SGCZ: variants seen among roughly 807,000 people sequenced by gnomAD.
The protein encoded by SGCZ is sarcoglycan zeta.
A neutral mutation model predicts 41.3 loss-of-function variants in SGCZ; 40 were observed. That is an observed-to-expected ratio of 0.97 (90% CI 0.75 to 1.26). The LOEUF is 1.26. Ranked by LOEUF, SGCZ falls within the 50% of genes most tolerant of loss-of-function variation. The pLI is 0.00. For synonymous variants in SGCZ, 206 were observed against 137.5 expected, an observed-to-expected ratio of 1.50 and a Z score of -3.49; for missense variants, 552 against 369.8, an observed-to-expected ratio of 1.49 and a Z score of -4.04.
At chr8:14,310,557 A>G (rs1454853494) in intron 3 of SGCZ, among the ~76,000 whole-genome samples, 5 of 152,104 alleles carry the variant, frequency 3.3e-5, no homozygotes, top group Non-Finnish European at 7.4e-5. Context: ...CACAATGTGC[A>G]GGTTAGCACC....
chr8:14,810,628 A>G (rs1424931528), intron 1 of SGCZ, among the ~76,000 whole-genome samples: 1 of 152,038 alleles, frequency 6.6e-6, no homozygotes, highest in African/African-American at 2.4e-5. Context: ...AGTTCATTGG[A>G]TATTGCACTG....
chr8:15,190,575 A>G (rs558425), intron 1 of SGCZ, among the ~76,000 whole-genome samples: 21,190 of 152,102 alleles, frequency 0.14, 1,625 homozygotes, highest in African/African-American at 0.19. Context: ...GAGTTCTTTC[A>G]GCACGAAAGA....
chr8:14,732,041 C>G (rs2254300), intron 1 of SGCZ, among the ~76,000 whole-genome samples: 2 of 152,024 alleles, frequency 1.3e-5, no homozygotes, highest in African/African-American at 2.4e-5. Flanking sequence ...GATTCAAGTA[C>G]AACTTGTTGA....
intron 1 of SGCZ, among the ~76,000 whole-genome samples, chr8:14,560,791 A>G (rs527613233): frequency 4.9e-4 from 74 of 152,266 alleles, no homozygotes; most frequent in African/African-American, 1.8e-3. Flanking sequence ...TTTGGTAACT[A>G]TATCAAATGC....
At chr8:14,934,923 T>C (rs1800036278) in intron 1 of SGCZ, among the ~76,000 whole-genome samples, 1 of 148,716 alleles carries the variant, frequency 6.7e-6, no homozygotes, top group South Asian at 2.1e-4. Context: ...CTCCCAGTAC[T>C]GAAAAAAAAA....
intron 3 of SGCZ, among the ~76,000 whole-genome samples, chr8:14,271,811 TG>T (rs1217550928): frequency 2.0e-5 from 3 of 152,190 alleles, no homozygotes; most frequent in Non-Finnish European, 4.4e-5. Context: ...ATTTTTGCTT[TG>T]TAGAAACAAC....
At chr8:14,761,132 C>A (rs1026203612) in intron 1 of SGCZ, among the ~76,000 whole-genome samples, 1 of 152,156 alleles carries the variant, frequency 6.6e-6, no homozygotes, top group Non-Finnish European at 1.5e-5. Context: ...GATAATTATT[C>A]TGTCACAGTG....
At chr8:15,222,576 G>A (rs1365902061) in intron 1 of SGCZ, among the ~76,000 whole-genome samples, 2 of 152,096 alleles carry the variant, frequency 1.3e-5, no homozygotes, top group Admixed American at 1.3e-4. Context: ...AGAATTAGAA[G>A]GAATTTTTCA....
intron 3 of SGCZ, among the ~76,000 whole-genome samples, chr8:14,314,834 T>G (rs1213261056): frequency 1.3e-5 from 2 of 152,156 alleles, no homozygotes; most frequent in African/African-American, 4.8e-5. Flanking sequence ...TGCAAATGAA[T>G]GCTACCGTTT....
At chr8:14,494,804 A>G (rs1801944070) in intron 2 of SGCZ, among the ~76,000 whole-genome samples, 1 of 152,184 alleles carries the variant, frequency 6.6e-6, no homozygotes, top group Middle Eastern at 3.2e-3. Flanking sequence ...TTTTTGCAGT[A>G]GCCTGCAGTG....
intron 1 of SGCZ, among the ~76,000 whole-genome samples, chr8:15,152,334 G>C (rs1000863070): frequency 6.6e-6 from 1 of 152,236 alleles, no homozygotes; most frequent in African/African-American, 2.4e-5. Flanking sequence ...GTTTCAAGCT[G>C]AGAAGAATCT....
At chr8:15,209,770 AATT>A (rs1395118954) in intron 1 of SGCZ, among the ~76,000 whole-genome samples, 54 of 56,672 alleles carry the variant, frequency 9.5e-4, no homozygotes, top group Middle Eastern at 0.01. Flanking sequence ...GCCTTAAAAA[AATT>A]AATTAATTAA....
chr8:14,493,359 C>CTTTTGTTTTTTTTTTTTTTTTTTTTTTT (rs1801898587), intron 2 of SGCZ, among the ~76,000 whole-genome samples: 1 of 44,268 alleles, frequency 2.3e-5, no homozygotes, highest in Non-Finnish European at 4.2e-5. Context: ...ATCATCCTTT[C>CTTTTGTTTTTTTTTTTTTTTTTTTTTTT]TTTTTTTTTT....
intron 1 of SGCZ, among the ~76,000 whole-genome samples, chr8:14,713,647 A>G (rs983554333): frequency 6.6e-6 from 1 of 151,998 alleles, no homozygotes; most frequent in Non-Finnish European, 1.5e-5. Context: ...ATAAAACAAA[A>G]GAAGAAAACT....
chr8:14,559,578 A>T (rs988671319), intron 1 of SGCZ, among the ~76,000 whole-genome samples: 1 of 152,134 alleles, frequency 6.6e-6, no homozygotes, highest in Admixed American at 6.6e-5. Context: ...TACAAATTCA[A>T]TGTTGAGAAA....
At chr8:15,213,299 T>C (rs1382795648) in intron 1 of SGCZ, among the ~76,000 whole-genome samples, 1 of 151,956 alleles carries the variant, frequency 6.6e-6, no homozygotes, top group African/African-American at 2.4e-5. Flanking sequence ...TTTTGATTTT[T>C]ATAAAAAGTA....
chr8:14,460,886 A>ATAGCT (rs1381779002), intron 2 of SGCZ, among the ~76,000 whole-genome samples: 1 of 152,206 alleles, frequency 6.6e-6, no homozygotes, highest in Non-Finnish European at 1.5e-5. Flanking sequence ...TAATAAAATG[A>ATAGCT]TAGCTGATAC....
chr8:14,748,532 C>T lies in SGCZ; in HGVS notation c.40-193606G>A, dbSNP rs1799404304. Among the ~76,000 whole-genome samples the T allele has an allele frequency of 2.6e-5, 4 of 152,108 alleles. No individual in the cohort carries two copies. In the South Asian group the frequency reaches 6.2e-4, roughly 24 times the overall value. ...GACTCCCTTACAAAATATGACTCTG[C>T]TTTTTAAATACAGCCCCAGAAATGC... On this transcript the variant is annotated intron_variant, in intron 1 of 7. Transcript: ENST00000382080.
At chr8:15,059,748 TA>T (rs1216470231) in intron 1 of SGCZ, among the ~76,000 whole-genome samples, 1 of 152,248 alleles carries the variant, frequency 6.6e-6, no homozygotes, top group African/African-American at 2.4e-5. Flanking sequence ...TATTACCTGG[TA>T]AACCAGTTAG....
Sources: gnomAD v4.1 joint callset for allele counts (sites outside exome capture counted in the v4.1 genomes callset) on GRCh38, gnomAD v4.1.1 for gene constraint, MANE v1.5 for transcripts, NCBI Gene and HGNC (gene_info 2026-07-23, HGNC 2026-07-21) for gene names.